The following RARB variants were observed in gnomAD, a reference collection of about 807,000 sequenced individuals.
The protein encoded by RARB is HBV-activated protein.
RARB carries 17 observed loss-of-function variants against 51.9 expected under a neutral mutation model. That is an observed-to-expected ratio of 0.33 (90% CI 0.22 to 0.49). RARB has a LOEUF of 0.49. RARB is among the 20% of genes least tolerant of loss of function. RARB has a pLI of 0.99. For missense variants in RARB, 369 were observed against 550.8 expected, an observed-to-expected ratio of 0.67 and a Z score of 3.30; for synonymous variants, 215 against 195.4, an observed-to-expected ratio of 1.10 and a Z score of -0.84.
At chr3:24,948,894 C>T (rs1321183356) in intron 2 of RARB, among the ~76,000 whole-genome samples, 1 of 152,130 alleles carries the variant, frequency 6.6e-6, no homozygotes, top group Non-Finnish European at 1.5e-5. Context: ...AAGCAGATTC[C>T]AGCACTGTGC....
At chr3:24,993,039 A>G (rs1161507751) in intron 2 of RARB, among the ~76,000 whole-genome samples, 1 of 152,214 alleles carries the variant, frequency 6.6e-6, no homozygotes, top group Admixed American at 6.5e-5. Flanking sequence ...AATAAAAAAT[A>G]TTAGAAATCT....
rs532833299 is a variant in RARB, at chr3:25,418,707, G to T, written c.179-42486G>T. Among the ~76,000 whole-genome samples the T allele has an allele frequency of 9.9e-5, 15 of 152,220 alleles. No individual in the cohort carries two copies. The South Asian group carries it at 2.1e-3, about 21-fold the overall frequency. ...TTGGACTAACTCTCACTCCACTGAG[G>T]ACAAGTAGGGATTCATAACCGAAGA... On this transcript the variant is annotated intron_variant, in intron 5 of 11. Transcript: ENST00000383772.
chr3:25,362,021 C>T (rs1025289219), intron 5 of RARB, among the ~76,000 whole-genome samples: 4 of 152,234 alleles, frequency 2.6e-5, no homozygotes, highest in African/African-American at 9.6e-5. Flanking sequence ...CTGGGAGATC[C>T]ACTGCTCTCT....
At position 25,286,422 on chromosome 3, in the gene RARB, A is replaced by G. The variant is rs111846325; in HGVS notation, c.178+111847A>G. Among the ~76,000 whole-genome samples the G allele has an allele frequency of 4.1e-3, 620 of 152,122 alleles. 2 individuals are homozygous for G. The highest frequency in any genetic ancestry group is 0.014 in the African/African-American group (583 of 41,512). The stretch of plus-strand genomic sequence containing the variant: ...CCTTCTCTTACAACCTCTCTTGAAT[A>G]TGTTATTTTCCTTCCCTCTCTACTA... On this transcript the variant is annotated intron_variant, in intron 5 of 11. Coordinates refer to the RARB transcript ENST00000383772.
intron 5 of RARB, among the ~76,000 whole-genome samples, chr3:25,584,555 G>T (rs1701306545): frequency 2.0e-5 from 3 of 152,130 alleles, no homozygotes; most frequent in African/African-American, 7.2e-5. Context: ...AGAGAGAGTG[G>T]AGTTCAAAGG....
chr3:25,351,618 C>T (rs182739806), intron 5 of RARB, among the ~76,000 whole-genome samples: 10 of 152,190 alleles, frequency 6.6e-5, no homozygotes, highest in East Asian at 1.9e-4. Flanking sequence ...TTTACCAGCC[C>T]GGAAGACACT....
At chr3:25,270,519 A>T (rs1340927301) in intron 5 of RARB, among the ~76,000 whole-genome samples, 1 of 152,196 alleles carries the variant, frequency 6.6e-6, no homozygotes, top group African/African-American at 2.4e-5. Context: ...TATTTTTAAA[A>T]CCTGTCACAT....
intron 4 of RARB, among the ~76,000 whole-genome samples, chr3:25,153,043 C>T (rs769382756): frequency 6.6e-6 from 1 of 152,110 alleles, no homozygotes; most frequent in Non-Finnish European, 1.5e-5. Context: ...AATTTTGAAT[C>T]TATTGATAAG....
chr3:25,514,028 C>G (rs1299600531), intron 3 of RARB, among the ~76,000 whole-genome samples: 1 of 152,180 alleles, frequency 6.6e-6, no homozygotes, highest in Non-Finnish European at 1.5e-5. Context: ...AAATAGCTGG[C>G]AGAGAGCCCT....
At chr3:25,212,088 A>T (rs1701712777) in intron 5 of RARB, among the ~76,000 whole-genome samples, 1 of 152,148 alleles carries the variant, frequency 6.6e-6, no homozygotes, top group Non-Finnish European at 1.5e-5. Flanking sequence ...TTTTCTTCTA[A>T]TAAGTTGAAG....
chr3:24,996,682 A>AGAAAACAG (rs1697047257), intron 2 of RARB, among the ~76,000 whole-genome samples: 1 of 152,092 alleles, frequency 6.6e-6, no homozygotes, highest in Admixed American at 6.6e-5. Flanking sequence ...GTAATATTTA[A>AGAAAACAG]ATTTCATGCA....
intron 2 of RARB, among the ~76,000 whole-genome samples, chr3:24,921,199 T>C (rs1436690849): frequency 2.0e-5 from 3 of 152,196 alleles, no homozygotes; most frequent in Admixed American, 2.0e-4. Flanking sequence ...TCTGACTTCT[T>C]CTTTAAATTC....
At chr3:25,016,655 A>G (rs1697515037) in intron 2 of RARB, among the ~76,000 whole-genome samples, 1 of 152,182 alleles carries the variant, frequency 6.6e-6, no homozygotes, top group Non-Finnish European at 1.5e-5. Context: ...ATCTGGGGGA[A>G]CGTAATTTCC....
intron 5 of RARB, among the ~76,000 whole-genome samples, chr3:25,303,405 A>G (rs572663068): frequency 5.3e-5 from 8 of 152,248 alleles, no homozygotes; most frequent in African/African-American, 7.2e-5. Flanking sequence ...AAGCTAGAAC[A>G]TAATATTTGA....
At chr3:25,194,132 T>C (rs190442353) in intron 5 of RARB, among the ~76,000 whole-genome samples, 193 of 151,998 alleles carry the variant, frequency 1.3e-3, no homozygotes, top group African/African-American at 4.4e-3. Flanking sequence ...GAGAACATTA[T>C]GCTAAGTGAA....
At chr3:25,295,329 C>A (rs567230453) in intron 5 of RARB, among the ~76,000 whole-genome samples, 1 of 152,212 alleles carries the variant, frequency 6.6e-6, no homozygotes, top group South Asian at 2.1e-4. Context: ...GGCATTAGTG[C>A]CCCTATAAAA....
chr3:25,194,587 T>C (rs189821619), intron 5 of RARB, among the ~76,000 whole-genome samples: 80 of 151,028 alleles, frequency 5.3e-4, no homozygotes, highest in Admixed American at 1.9e-3. Flanking sequence ...ATAAAAAGAT[T>C]ACCCGGAAGT....
chr3:25,194,255 A>T (rs1276727366), intron 5 of RARB, among the ~76,000 whole-genome samples: 1 of 133,302 alleles, frequency 7.5e-6, no homozygotes, highest in Non-Finnish European at 1.6e-5. Context: ...GAAGGAGAGA[A>T]GGTCAGAGAA....
chr3:25,544,942 T>C (rs1200742421), intron 3 of RARB, among the ~76,000 whole-genome samples: 1 of 150,218 alleles, frequency 6.7e-6, no homozygotes, highest in Non-Finnish European at 1.5e-5. Flanking sequence ...CTGTTGTCTG[T>C]ACATTTTGTT....
Sources: allele counts gnomAD v4.1 joint callset (sites outside exome capture counted in the v4.1 genomes callset), GRCh38; gene constraint gnomAD v4.1.1; transcripts MANE v1.5; gene names NCBI Gene and HGNC (gene_info 2026-07-23, HGNC 2026-07-21).